RIN2: variants seen among roughly 807,000 people sequenced by gnomAD.
RIN2 encodes RAB5 interacting protein 2.
Under a neutral mutation model 78.0 loss-of-function variants are expected in RIN2, and 36 were observed. The ratio of observed to expected loss-of-function variants is 0.46; its 90% CI spans 0.35 to 0.61. The LOEUF (loss-of-function observed/expected upper bound fraction) is 0.61. Among genes scored for constraint, RIN2 ranks in the 20% least tolerant of loss-of-function variants. RIN2 has a pLI of 0.00. For synonymous variants in RIN2, 466 were observed against 466.8 expected (o/e 1.00, Z 0.02); for missense variants, 1,087 against 1,159.7 (o/e 0.94, Z 0.91).
chr20:19,889,568 G>A lies in RIN2; in HGVS notation c.-34G>A. ...ATTAAAAATGTCTCTACCTTCAGGA[G>A]TCCCCGGCGTGCAGTGGAGCCTCGC... is the stretch of plus-strand genomic sequence containing the variant. On this transcript the variant is annotated splice_region_variant and 5_prime_UTR_variant, in exon 3 of 13. Coordinates refer to ENST00000255006, the MANE Select transcript of RIN2 (RefSeq NM_018993.4). The A allele has an allele frequency of 1.9e-6, 3 of 1,548,460 alleles. No homozygotes were observed. Among genetic ancestry groups the A allele is most frequent in the Non-Finnish European group, 2.6e-6 (3 of 1,145,066 alleles).
chr20:19,947,481 A>G, intron 4 of RIN2, among the ~76,000 whole-genome samples: 1 of 152,158 alleles, frequency 6.6e-6, no homozygotes, highest in Non-Finnish European at 1.5e-5. Flanking sequence ...CAAACAAGGT[A>G]ATGAATCTTA....
intron 2 of RIN2, among the ~76,000 whole-genome samples, chr20:19,837,722 C>A (rs1405347924): frequency 7.0e-6 from 1 of 142,968 alleles, no homozygotes; most frequent in East Asian, 2.1e-4. Context: ...ATTTGTCAAC[C>A]TTTTTCTCCT....
chr20:19,913,071 A>G (rs952660934), intron 3 of RIN2, among the ~76,000 whole-genome samples: 2 of 152,192 alleles, frequency 1.3e-5, no homozygotes, highest in Non-Finnish European at 2.9e-5. Context: ...CCCAGAATTT[A>G]GAAGCTGGAG....
At chr20:19,903,773 G>A (rs1465963423) in intron 3 of RIN2, among the ~76,000 whole-genome samples, 1 of 152,280 alleles carries the variant, frequency 6.6e-6, no homozygotes, top group East Asian at 1.9e-4. Flanking sequence ...GTTTCTTGAG[G>A]TTTCTCCAAC....
intron 12 of RIN2, 124 bp from the exon 13 acceptor site, chr20:20,000,489 A>G (rs1226388460): frequency 9.3e-6 from 7 of 751,604 alleles, no homozygotes; most frequent in South Asian, 3.9e-5. Flanking sequence ...GTGGCCTGAC[A>G]TCGGACATTA....
At position 19,922,930 on chromosome 20, in the gene RIN2, G is replaced by A. The variant is rs1220329070; in HGVS notation, c.58-12169G>A. Among the ~76,000 whole-genome samples, 4 of 152,290 alleles carry A rather than the reference G, an allele frequency of 2.6e-5. No individual in the cohort carries two copies. The South Asian group carries it at 6.2e-4, about 24-fold the overall frequency. ...CCCCACCAGCACACTACAGATGCTC[G>A]CCTGCTGGGGGCTCTGCCAGCATAA... On this transcript the variant is annotated intron_variant, in intron 3 of 12. Coordinates refer to ENST00000255006, the MANE Select transcript of RIN2 (RefSeq NM_018993.4).
At chr20:19,924,478 A>C (rs1440687056) in intron 3 of RIN2, among the ~76,000 whole-genome samples, 2 of 79,272 alleles carry the variant, frequency 2.5e-5, no homozygotes, top group Non-Finnish European at 5.7e-5. Flanking sequence ...TCATACCCCC[A>C]CCTTCATACC....
intron 3 of RIN2, among the ~76,000 whole-genome samples, chr20:19,910,243 C>T (rs112068643): frequency 6.6e-6 from 1 of 152,046 alleles, no homozygotes; most frequent in East Asian, 1.9e-4. Flanking sequence ...GAGGCACGAT[C>T]TTGGCTCACT....
intron 2 of RIN2, among the ~76,000 whole-genome samples, chr20:19,856,050 C>T (rs533482732): frequency 3.3e-5 from 5 of 151,896 alleles, no homozygotes; most frequent in Admixed American, 2.0e-4. Flanking sequence ...CTCCAGCCTG[C>T]GTGACACAGC....
chr20:19,822,762 G>A (rs192468654), intron 2 of RIN2, among the ~76,000 whole-genome samples: 2 of 152,060 alleles, frequency 1.3e-5, no homozygotes, highest in Admixed American at 6.5e-5. Flanking sequence ...ACTTTTTGTT[G>A]CTCATGCTAA....
At chr20:19,788,439 A>AAAAAAAAAAAAAAAAC (rs1555818733) in intron 1 of RIN2, among the ~76,000 whole-genome samples, 1 of 132,994 alleles carries the variant, frequency 7.5e-6, no homozygotes, top group African/African-American at 3.3e-5. Context: ...TGCCAAAAAA[A>AAAAAAAAAAAAAAAAC]AAAAAAAAAA....
intron 2 of RIN2, among the ~76,000 whole-genome samples, chr20:19,804,425 T>A (rs2035340596): frequency 6.6e-6 from 1 of 152,208 alleles, no homozygotes; most frequent in Non-Finnish European, 1.5e-5. Context: ...GGAGTTCTAT[T>A]GGATGCCTTT....
chr20:19,946,316 G>A (rs1393851692), intron 4 of RIN2, among the ~76,000 whole-genome samples: 2 of 152,282 alleles, frequency 1.3e-5, no homozygotes, highest in South Asian at 4.1e-4. Context: ...TTTGAACCCA[G>A]TTTGACAGGT....
At chr20:19,967,081 C>T (rs430084) in intron 7 of RIN2, among the ~76,000 whole-genome samples, 9,573 of 152,164 alleles carry the variant, frequency 0.063, 995 homozygotes, top group African/African-American at 0.21. Context: ...TGTGGAGTTG[C>T]TGGGAAAAAT....
rs1319021749 is a variant in RIN2 at position 19,928,676 on chromosome 20, C to T, written c.58-6423C>T. Among the ~76,000 whole-genome samples the T allele has an allele frequency of 3.3e-5, 5 of 152,178 alleles. No homozygotes were observed. In the East Asian group the frequency reaches 9.7e-4, roughly 29 times the overall value. On this transcript the variant is annotated intron_variant, in intron 3 of 12. Coordinates refer to ENST00000255006, the MANE Select transcript of RIN2 (RefSeq NM_018993.4). ...CTTGCCCTTGGCCAGGATGCCAGCT[C>T]TTATGCAGGAGCACTCAGGTGAACA...
intron 2 of RIN2, among the ~76,000 whole-genome samples, chr20:19,856,725 T>C (rs956955149): frequency 7.2e-5 from 11 of 152,166 alleles, no homozygotes; most frequent in African/African-American, 2.7e-4. Context: ...TGTCCTTTAC[T>C]ATTGATGGAG....
At chr20:19,992,110 A>T (rs2042814744) in intron 10 of RIN2, 58 bp from the exon 11 acceptor site, 1 of 1,580,192 alleles carries the variant, frequency 6.3e-7, no homozygotes, top group South Asian at 1.2e-5. Context: ...AGCAAGAAGG[A>T]TGTGAAAGAA....
rs759837143 is a variant in RIN2 at position 19,956,739 on chromosome 20, C to G, written c.283C>G (p.Pro95Ala). 1 of 1,609,538 alleles carries G rather than the reference C, an allele frequency of 6.2e-7. No individual in the cohort carries two copies. The highest frequency in any genetic ancestry group is 8.5e-7 in the Non-Finnish European group (1 of 1,178,130). Residue 95 changes from proline to alanine, a missense_variant, in exon 5 of 13, where the codon CCC (proline) becomes GCC (alanine). Physicochemically the swap from Pro to Ala is conservative, Grantham distance 27. Coordinates refer to ENST00000255006, the MANE Select transcript of RIN2 (RefSeq NM_018993.4). Reference sequence around the variant, plus strand: ...CTTGGACCGGCTCCTCCACACCCACCCCATATGGCTGCAGCTGAGTCTGAG... The same window carrying G: ...CTTGGACCGGCTCCTCCACACCCACGCCATATGGCTGCAGCTGAGTCTGAG... ...SILDRLLHTH[P>A]IWLQLSLSEE...
chr20:19,880,478 C>G (rs1451648129), intron 2 of RIN2, among the ~76,000 whole-genome samples: 1 of 134,154 alleles, frequency 7.5e-6, no homozygotes, highest in Non-Finnish European at 1.5e-5. Context: ...TTAATGCAGC[C>G]TTGACCTTCC....
Sources: gnomAD v4.1 joint callset for allele counts (sites outside exome capture counted in the v4.1 genomes callset) on GRCh38, gnomAD v4.1.1 for gene constraint, MANE v1.5 for transcripts, NCBI Gene and HGNC (gene_info 2026-07-23, HGNC 2026-07-21) for gene names.